OPHN1: variants seen among roughly 807,000 people sequenced by gnomAD.
OPHN1 encodes oligophrenin-1.
Under a neutral mutation model 60.7 loss-of-function variants are expected in OPHN1, and 11 were observed. That is an observed-to-expected ratio of 0.18 (90% CI 0.11 to 0.30). The LOEUF (loss-of-function observed/expected upper bound fraction) is 0.30. Ranked by LOEUF, OPHN1 falls within the 10% of genes least tolerant of loss-of-function variation. The probability of loss-of-function intolerance (pLI) is 1.00; values close to 1 mark genes in which losing one functional copy is unlikely to be tolerated. For synonymous variants in OPHN1, 226 were observed against 222.6 expected (o/e 1.02, Z -0.14); for missense variants, 449 against 611.0 (o/e 0.73, Z 2.80).
intron 15 of OPHN1, among the ~76,000 whole-genome samples, chrX:68,174,097 C>T (rs144352112): frequency 1.2e-3 from 134 of 111,692 alleles, no homozygotes; most frequent in African/African-American, 4.2e-3. Flanking sequence ...CCTTAAAATG[C>T]ACAGTTAAGA....
chrX:68,074,359 G>A (rs2076946201), intron 19 of OPHN1, among the ~76,000 whole-genome samples: 1 of 111,644 alleles, frequency 9.0e-6, no homozygotes, highest in African/African-American at 3.3e-5. Context: ...AAGACAAAAT[G>A]TAACTTAACA....
At chrX:68,169,092 C>A (rs768258733) in intron 15 of OPHN1, among the ~76,000 whole-genome samples, 1 of 111,450 alleles carries the variant, frequency 9.0e-6, no homozygotes, top group South Asian at 3.8e-4. Flanking sequence ...GGAACTGGTA[C>A]CATTCCTTCT....
intron 2 of OPHN1, among the ~76,000 whole-genome samples, chrX:68,400,023 T>A (rs2078705697): frequency 9.1e-6 from 1 of 110,073 alleles, no homozygotes; most frequent in Admixed American, 9.8e-5. Flanking sequence ...GAGTGTGAGC[T>A]TTGTAACTTC....
Position 68,419,538 on chromosome X carries a change from A to ATT in OPHN1, c.154+13327_154+13328dup, listed in dbSNP as rs201633101. Among the ~76,000 whole-genome samples the ATT allele has an allele frequency of 5.3e-3, 451 of 84,835 alleles. 4 individuals are homozygous for ATT. The highest frequency in any genetic ancestry group is 9.0e-3 in the East Asian group (23 of 2,548). 73.7% of individuals were successfully genotyped at this position (84,835 alleles called of 115,157 possible). A position where few individuals can be genotyped will look rare whatever the true frequency, so the allele number is the denominator to read the frequency against. Reference sequence around the variant, plus strand: ...TTTCCTCTTTCTTAACTCCTTAACAATTTTTTTTTTTTTTTTTTTTGAGAC... The same window carrying ATT: ...TTTCCTCTTTCTTAACTCCTTAACAATTTTTTTTTTTTTTTTTTTTTTGAGAC... On this transcript the variant is annotated intron_variant, in intron 2 of 24. Transcript: ENST00000355520.
At chrX:68,182,169 C>T (rs2147438588) in intron 15 of OPHN1, among the ~76,000 whole-genome samples, 1 of 98,889 alleles carries the variant, frequency 1.0e-5, no homozygotes, top group African/African-American at 3.7e-5. Flanking sequence ...AATCTTGGGA[C>T]TGACATAGAA....
At chrX:68,226,375 G>A (rs1165276590) in intron 6 of OPHN1, among the ~76,000 whole-genome samples, 1 of 111,054 alleles carries the variant, frequency 9.0e-6, no homozygotes, top group Non-Finnish European at 1.9e-5. Context: ...AGGAAATACA[G>A]AGAATGCCAC....
At chrX:68,247,765 A>T (rs2077813938) in intron 5 of OPHN1, among the ~76,000 whole-genome samples, 2 of 109,323 alleles carry the variant, frequency 1.8e-5, no homozygotes, top group African/African-American at 6.7e-5. Context: ...CAAAAAAAAA[A>T]AAAAACACAC....
chrX:68,308,048 T>G (rs762549937), intron 2 of OPHN1, among the ~76,000 whole-genome samples: 57 of 112,344 alleles, frequency 5.1e-4, no homozygotes, highest in African/African-American at 1.7e-3. Flanking sequence ...CAAAGCAAAA[T>G]GAGGTAGTGG....
intron 2 of OPHN1, among the ~76,000 whole-genome samples, chrX:68,328,372 C>A (rs920168334): frequency 2.7e-5 from 3 of 111,793 alleles, no homozygotes; most frequent in African/African-American, 9.8e-5. Flanking sequence ...TCGTGATCCG[C>A]CCACCTCGGC....
At chrX:68,205,486 T>C (rs2077554188) in intron 10 of OPHN1, among the ~76,000 whole-genome samples, 1 of 111,065 alleles carries the variant, frequency 9.0e-6, no homozygotes, top group South Asian at 3.8e-4. Flanking sequence ...TAATAAAGCA[T>C]AGCCGAGGAT....
chrX:68,250,638 T>C (rs959807398), intron 5 of OPHN1, among the ~76,000 whole-genome samples: 1 of 111,775 alleles, frequency 8.9e-6, no homozygotes, highest in Non-Finnish European at 1.9e-5. Flanking sequence ...TGTTGTTCCT[T>C]GTTCGTGTTT....
chrX:68,140,570 A>G (rs368795482), intron 15 of OPHN1, among the ~76,000 whole-genome samples: 3 of 109,980 alleles, frequency 2.7e-5, no homozygotes, highest in East Asian at 5.7e-4. Flanking sequence ...CCCCACCCTC[A>G]AGCCTGGAAC....
intron 19 of OPHN1, among the ~76,000 whole-genome samples, chrX:68,090,134 T>C (rs1463398478): frequency 9.0e-6 from 1 of 111,087 alleles, no homozygotes; most frequent in Non-Finnish European, 1.9e-5. Flanking sequence ...CAATAACCTT[T>C]AGCTTAACCT....
intron 5 of OPHN1, among the ~76,000 whole-genome samples, chrX:68,258,413 A>AGCCCCCC (rs1491260362): frequency 3.8e-5 from 1 of 26,026 alleles, no homozygotes; most frequent in African/African-American, 1.6e-4. Context: ...CCCCTCCTCC[A>AGCCCCCC]ACCCCCCACC....
intron 2 of OPHN1, among the ~76,000 whole-genome samples, chrX:68,332,885 T>G (rs935364026): frequency 1.8e-5 from 2 of 110,852 alleles, no homozygotes; most frequent in African/African-American, 6.5e-5. Context: ...GAATCTTCAG[T>G]AAATAAAGCA....
intron 19 of OPHN1, among the ~76,000 whole-genome samples, chrX:68,078,582 C>A (rs1186322150): frequency 9.0e-6 from 1 of 111,507 alleles, no homozygotes; most frequent in East Asian, 2.8e-4. Flanking sequence ...TTTCCCTTTG[C>A]TCAGTTAGAA....
At chrX:68,207,644 G>A (rs905135506) in intron 9 of OPHN1, among the ~76,000 whole-genome samples, 2 of 109,640 alleles carry the variant, frequency 1.8e-5, no homozygotes, top group African/African-American at 6.6e-5. Context: ...AACCATCCAC[G>A]GCTTTCCCAC....
chrX:68,312,128 C>A (rs1382248924), intron 2 of OPHN1, among the ~76,000 whole-genome samples: 1 of 99,076 alleles, frequency 1.0e-5, no homozygotes, highest in Non-Finnish European at 2.0e-5. Context: ...GAGACAGGGT[C>A]TCATTCTGTT....
chrX:68,210,316 C>T, intron 8 of OPHN1, 34 bp from the exon 9 acceptor site: 1 of 1,177,310 alleles, frequency 8.5e-7, no homozygotes, highest in Non-Finnish European at 1.2e-6. Context: ...TCATTATTAT[C>T]ATCATCATTA....
Sources: gnomAD v4.1 joint callset for allele counts (sites outside exome capture counted in the v4.1 genomes callset) on GRCh38, gnomAD v4.1.1 for gene constraint, MANE v1.5 for transcripts, NCBI Gene and HGNC (gene_info 2026-07-23, HGNC 2026-07-21) for gene names.